MAML3: variants seen among roughly 807,000 people sequenced by gnomAD.
MAML3 encodes mastermind like transcriptional coactivator 3.
In MAML3, 27 loss-of-function variants were observed where a neutral mutation model predicts 101.9. The observed-to-expected ratio is 0.27, with a 90% CI of 0.20 to 0.37. MAML3 has a LOEUF of 0.37. MAML3 is among the 10% of genes least tolerant of loss of function. The probability of loss-of-function intolerance (pLI) is 1.00; values close to 1 mark genes in which losing one functional copy is unlikely to be tolerated. For missense variants in MAML3, 1,316 were observed against 1,444.9 expected, an observed-to-expected ratio of 0.91 and a Z score of 1.45; for synonymous variants, 501 against 555.9, an observed-to-expected ratio of 0.90 and a Z score of 1.39.
At chr4:139,764,179 T>C (rs1171974297) in intron 2 of MAML3, among the ~76,000 whole-genome samples, 3 of 152,256 alleles carry the variant, frequency 2.0e-5, no homozygotes, top group African/African-American at 7.2e-5. Context: ...AGACACTGCA[T>C]ACCTGGATCT....
Position 139,719,039 on chromosome 4 carries a change from G to T in MAML3, c.*284C>A. On this transcript the variant is annotated 3_prime_UTR_variant, in exon 5 of 5. Transcript: ENST00000509479. ...GATCACAGGGCATGCTGGGCAGAGG[G>T]GCTCTGGCCGGCTTCATCTTCCCAC... The T allele has an allele frequency of 2.5e-6, 1 of 392,912 alleles. No homozygotes were observed. The allele number at this position is 392,912 out of a possible 1,614,324, so 24.3% of individuals were successfully genotyped here. A position where few individuals can be genotyped will look rare whatever the true frequency, so the allele number is the denominator to read the frequency against.
At chr4:140,024,924 T>C (rs987783248) in intron 1 of MAML3, among the ~76,000 whole-genome samples, 2 of 152,072 alleles carry the variant, frequency 1.3e-5, no homozygotes, top group Admixed American at 1.3e-4. Context: ...TCCAAAATAT[T>C]CTGAAAAAAA....
intron 1 of MAML3, among the ~76,000 whole-genome samples, chr4:140,090,493 T>G (rs1728025028): frequency 6.6e-6 from 1 of 152,260 alleles, no homozygotes; most frequent in Admixed American, 6.5e-5. Context: ...GCTGAAGTGC[T>G]ACAGTAGCTC....
intron 1 of MAML3, among the ~76,000 whole-genome samples, chr4:140,065,009 A>G (rs1727507745): frequency 6.6e-6 from 1 of 152,234 alleles, no homozygotes; most frequent in African/African-American, 2.4e-5. Flanking sequence ...AATTGAAAAC[A>G]GAGATGACAT....
intron 2 of MAML3, among the ~76,000 whole-genome samples, chr4:139,856,295 G>T (rs1394521028): frequency 6.6e-6 from 1 of 152,222 alleles, no homozygotes; most frequent in Admixed American, 6.5e-5. Context: ...GCAATAAGAT[G>T]AATTTAACTT....
intron 1 of MAML3, among the ~76,000 whole-genome samples, chr4:140,001,704 A>C (rs925025966): frequency 5.3e-5 from 8 of 152,248 alleles, no homozygotes; most frequent in African/African-American, 1.9e-4. Context: ...CTGTGAGTCT[A>C]TCCCCAGGTA....
At chr4:139,981,540 C>A (rs191837188) in intron 1 of MAML3, among the ~76,000 whole-genome samples, 1 of 152,236 alleles carries the variant, frequency 6.6e-6, no homozygotes, top group East Asian at 1.9e-4. Context: ...GTACATTTGT[C>A]ACAACTAATG....
intron 2 of MAML3, among the ~76,000 whole-genome samples, chr4:139,767,532 C>T (rs754991712): frequency 3.9e-5 from 6 of 152,110 alleles, no homozygotes; most frequent in Admixed American, 6.5e-5. Context: ...ATGGTCCTTC[C>T]GACTTTGTCT....
intron 1 of MAML3, among the ~76,000 whole-genome samples, chr4:139,998,175 G>A (rs1390716307): frequency 6.6e-6 from 1 of 152,028 alleles, no homozygotes; most frequent in African/African-American, 2.4e-5. Context: ...CTCAGGCTCT[G>A]CTAATTTTTC....
At chr4:139,765,746 G>A (rs552968242) in intron 2 of MAML3, among the ~76,000 whole-genome samples, 11 of 152,252 alleles carry the variant, frequency 7.2e-5, no homozygotes, top group African/African-American at 2.4e-4. Flanking sequence ...TCAGCACTTC[G>A]GGAGGCTGAG....
At chr4:139,826,150 G>A (rs947524133) in intron 2 of MAML3, among the ~76,000 whole-genome samples, 1 of 152,040 alleles carries the variant, frequency 6.6e-6, no homozygotes, top group African/African-American at 2.4e-5. Flanking sequence ...TGTGCTCTCG[G>A]TGTCTTTGTT....
chr4:140,010,346 C>A (rs1326134749), intron 1 of MAML3, among the ~76,000 whole-genome samples: 1 of 152,120 alleles, frequency 6.6e-6, no homozygotes, highest in Non-Finnish European at 1.5e-5. Flanking sequence ...GTTAAGCACA[C>A]CTATACACAC....
intron 2 of MAML3, among the ~76,000 whole-genome samples, chr4:139,746,594 T>C (rs1729329103): frequency 6.6e-6 from 1 of 152,208 alleles, no homozygotes; most frequent in African/African-American, 2.4e-5. Context: ...TCTCCCCATC[T>C]GTCTCTCTCG....
rs527662196 is a variant in MAML3, at chr4:139,858,721, G to A, written c.2079+30636C>T. 1.2e-4 allele frequency among the ~76,000 whole-genome samples: 18 copies of A among 152,176 alleles called. No individual in the cohort carries two copies. In the East Asian group the frequency reaches 3.3e-3, roughly 28 times the overall value. ...CCTCTCAAGCAGTGTCTCTGCTCCC[G>A]ACCGCTCTGTGATCACCCGGGCAGC... On this transcript the variant is annotated intron_variant, in intron 2 of 4. Coordinates refer to ENST00000509479, the MANE Select transcript of MAML3 (RefSeq NM_018717.5).
At chr4:139,901,448 T>C (rs1732716606) in intron 1 of MAML3, among the ~76,000 whole-genome samples, 2 of 152,228 alleles carry the variant, frequency 1.3e-5, no homozygotes, top group Non-Finnish European at 2.9e-5. Flanking sequence ...AGAAACAATA[T>C]CCTTAGGAAT....
At position 139,730,432 on chromosome 4, in the gene MAML3, TGC is replaced by T; in HGVS notation, c.2313_2314del (p.Gln772AspfsTer90). 1 of 474 alleles carries T rather than the reference TGC, an allele frequency of 2.1e-3. No homozygotes were observed. 0.0% of individuals were successfully genotyped at this position (474 alleles called of 1,614,324 possible). ...GCATGTTACCTGTTCCGCCAAAATC[TGC>T]TGCTGCTGCTGCTGCTGCTGCTGCC... On this transcript the variant is annotated frameshift_variant, in exon 3 of 5. Coordinates refer to ENST00000509479, the MANE Select transcript of MAML3 (RefSeq NM_018717.5). LOFTEE classifies it high-confidence loss of function.
chr4:139,772,634 C>T (rs568023335), intron 2 of MAML3, among the ~76,000 whole-genome samples: 2 of 151,936 alleles, frequency 1.3e-5, no homozygotes, highest in South Asian at 4.2e-4. Flanking sequence ...TGAGCCACTG[C>T]GCCTGGCCAA....
chr4:139,923,624 G>GTGTA (rs1733169988), intron 1 of MAML3, among the ~76,000 whole-genome samples: 1 of 151,944 alleles, frequency 6.6e-6, no homozygotes, highest in Admixed American at 6.6e-5. Context: ...GTCTTTGTGT[G>GTGTA]TGTGTGTGTG....
At chr4:139,894,473 G>A (rs543538107) in intron 1 of MAML3, among the ~76,000 whole-genome samples, 2 of 151,434 alleles carry the variant, frequency 1.3e-5, no homozygotes, top group Admixed American at 6.6e-5. Context: ...TCGTGCCACT[G>A]CACTCTAGCC....
Sources: gnomAD v4.1 joint callset for allele counts (sites outside exome capture counted in the v4.1 genomes callset) on GRCh38, gnomAD v4.1.1 for gene constraint, MANE v1.5 for transcripts, NCBI Gene and HGNC (gene_info 2026-07-23, HGNC 2026-07-21) for gene names.